VPS4B: variants seen among roughly 807,000 people sequenced by gnomAD.
VPS4B encodes the protein vacuolar protein sorting 4 homolog B.
Under a neutral mutation model 56.1 loss-of-function variants are expected in VPS4B, and 23 were observed. The observed-to-expected ratio is 0.41, with a 90% CI of 0.30 to 0.58. VPS4B has a LOEUF of 0.58. Ranked by LOEUF, VPS4B falls within the 20% of genes least tolerant of loss-of-function variation. VPS4B has a pLI of 0.29. For synonymous variants in VPS4B, 177 were observed against 186.0 expected (o/e 0.95, Z 0.39); for missense variants, 372 against 531.9 (o/e 0.70, Z 2.96).
chr18:63,409,152 A>G (rs1915978470), intron 3 of VPS4B, among the ~76,000 whole-genome samples: 2 of 152,230 alleles, frequency 1.3e-5, no homozygotes, highest in African/African-American at 4.8e-5. Context: ...ACATGTTCTT[A>G]GGGTGTCACA....
chr18:63,397,717 T>C (rs1599356946), intron 8 of VPS4B, among the ~76,000 whole-genome samples: 1 of 152,230 alleles, frequency 6.6e-6, no homozygotes. Flanking sequence ...CAATCCTATA[T>C]TATAAAGAAT....
intron 10 of VPS4B, 131 bp from the exon 11 acceptor site, chr18:63,391,207 A>G: frequency 1.6e-6 from 1 of 627,098 alleles, no homozygotes; most frequent in Non-Finnish European, 2.8e-6. Context: ...CTGCCATAAG[A>G]TACTAACGAT....
rs1916329516 is a variant in VPS4B, at chr18:63,422,393, C to T, written c.-134G>A. The T allele has an allele frequency of 1.3e-6, 1 of 768,672 alleles. No individual in the cohort carries two copies. Among genetic ancestry groups the T allele is most frequent in the Non-Finnish European group, 1.9e-6 (1 of 529,628 alleles). 47.6% of individuals were successfully genotyped at this position (768,672 alleles called of 1,614,324 possible). A position where few individuals can be genotyped will look rare whatever the true frequency, so the allele number is the denominator to read the frequency against. ...TTCTCGGACCGCGAAGGGCAGCCTCCCTTCCGGAACTTGTTTTAGACAACA... is the reference window on the plus strand; with the variant it reads ...TTCTCGGACCGCGAAGGGCAGCCTCTCTTCCGGAACTTGTTTTAGACAACA... On this transcript the variant is annotated 5_prime_UTR_variant, in exon 1 of 11. Coordinates refer to ENST00000238497, the MANE Select transcript of VPS4B (RefSeq NM_004869.4).
At chr18:63,392,096 AC>A (rs1460640950) in intron 10 of VPS4B, among the ~76,000 whole-genome samples, 1 of 152,178 alleles carries the variant, frequency 6.6e-6, no homozygotes, top group Non-Finnish European at 1.5e-5. Flanking sequence ...GGGTGTATAC[AC>A]ATTTACATGT....
intron 1 of VPS4B, among the ~76,000 whole-genome samples, chr18:63,414,217 A>G (rs964402505): frequency 6.6e-6 from 1 of 151,858 alleles, no homozygotes; most frequent in Non-Finnish European, 1.5e-5. Context: ...CCCCATCTCT[A>G]AAAATACAAA....
At chr18:63,404,138 T>C (rs116851852) in intron 4 of VPS4B, among the ~76,000 whole-genome samples, 2 of 152,244 alleles carry the variant, frequency 1.3e-5, no homozygotes, top group Non-Finnish European at 2.9e-5. Flanking sequence ...TCAAATGACA[T>C]AATGAATATT....
chr18:63,404,558 A>T (rs1353849773), intron 4 of VPS4B: 1 of 152,240 alleles, frequency 6.6e-6, no homozygotes, highest in African/African-American at 2.4e-5. Flanking sequence ...CAAAGCAATT[A>T]TTGCAGTAAG....
intron 1 of VPS4B, among the ~76,000 whole-genome samples, chr18:63,412,791 TAGC>T (rs1192812193): frequency 1.3e-5 from 2 of 152,056 alleles, no homozygotes; most frequent in African/African-American, 4.8e-5. Context: ...CCTCCCCAAA[TAGC>T]AGGATCACAA....
intron 1 of VPS4B, 55 bp from the exon 2 acceptor site, chr18:63,411,633 G>T: frequency 7.6e-7 from 1 of 1,316,472 alleles, no homozygotes; most frequent in East Asian, 2.6e-5. Flanking sequence ...ACATAAATTT[G>T]AAGTAAATAA....
chr18:63,400,059 A>G lies in VPS4B; in HGVS notation c.779T>C (p.Val260Ala), dbSNP rs1915776576. 6.2e-7 allele frequency: 1 copy of G among 1,604,608 alleles called. No homozygotes were observed. ...ATTAGTAACACTACCTTGCATTTGC[A>G]CTAGGAACTCCGTCTTAATTCTACG... ...AARRIKTEFL[V>A]QMQGVGVDND... Residue 260 changes from valine to alanine, a missense_variant, in exon 7 of 11, where the codon GTG (valine) becomes GCG (alanine). Val to Ala is a moderately conservative substitution (Grantham distance 64). Coordinates refer to ENST00000238497, the MANE Select transcript of VPS4B (RefSeq NM_004869.4).
At chr18:63,394,611 C>T (rs1432109197) in intron 9 of VPS4B, among the ~76,000 whole-genome samples, 5 of 152,016 alleles carry the variant, frequency 3.3e-5, no homozygotes, top group African/African-American at 9.7e-5. Flanking sequence ...GGATTATAGG[C>T]GCCCGCCCTG....
In VPS4B at chr18:63,403,775, A is replaced by G; in HGVS notation, c.416T>C (p.Leu139Pro). ...PNVKWSDVAG[L>P]EGAKEALKEA... ...TTTCAGTGCTTCTTTGGCTCCTTCA[A>G]GTCCAGCAACGTCACTCCATTTCAC... The change falls in exon 5 of 11, where the codon CTT becomes CCT. Residue 139 changes from leucine to proline, a missense_variant. By Grantham distance (98) the Leu-to-Pro change is moderately conservative (BLOSUM62 -3). Around this residue, in one of 3 missense-constraint regions of VPS4B, gnomAD observed 153 missense variants for 190.3 expected, o/e 0.80. Transcript: ENST00000238497. 2.5e-6 allele frequency: 4 copies of G among 1,613,604 alleles called. No homozygotes were observed. The highest frequency in any genetic ancestry group is 1.3e-5 in the African/African-American group (1 of 75,046).
intron 1 of VPS4B, among the ~76,000 whole-genome samples, chr18:63,413,147 T>C (rs949689630): frequency 6.6e-6 from 1 of 152,004 alleles, no homozygotes; most frequent in Non-Finnish European, 1.5e-5. Flanking sequence ...CAAGTAAAAC[T>C]GGGAAAATAT....
chr18:63,418,592 G>T (rs1016818065), intron 1 of VPS4B, among the ~76,000 whole-genome samples: 2 of 152,000 alleles, frequency 1.3e-5, no homozygotes, highest in African/African-American at 4.8e-5. Context: ...GTAGAGAGGG[G>T]TTTTCACCAT....
chr18:63,411,872 C>T (rs1396630909), intron 1 of VPS4B, among the ~76,000 whole-genome samples: 3 of 152,048 alleles, frequency 2.0e-5, no homozygotes, highest in African/African-American at 7.2e-5. Flanking sequence ...GTAATTTTCA[C>T]TTAGCTAAAG....
chr18:63,392,479 C>T (rs1915571219), intron 10 of VPS4B, among the ~76,000 whole-genome samples: 1 of 152,154 alleles, frequency 6.6e-6, no homozygotes, highest in African/African-American at 2.4e-5. Context: ...GACAGAGTCT[C>T]GCTCTGTTGC....
rs988764639 is a variant in VPS4B at position 63,390,051 on chromosome 18, T to C, written c.*924A>G. Reference sequence around the variant, plus strand: ...AAATATAAAAGCTTACCGTTTTTGTTTTTTTTTGAGACAGAGTTTTATTCA... The same window carrying C: ...AAATATAAAAGCTTACCGTTTTTGTCTTTTTTTGAGACAGAGTTTTATTCA... On this transcript the variant is annotated 3_prime_UTR_variant, in exon 11 of 11. Transcript: ENST00000238497. The C allele has an allele frequency of 6.6e-6, 1 of 152,550 alleles. No homozygotes were observed. Among genetic ancestry groups the C allele is most frequent in the African/African-American group, 2.4e-5 (1 of 41,442 alleles). 9.4% of individuals were successfully genotyped at this position (152,550 alleles called of 1,614,324 possible).
At chr18:63,394,895 T>C (rs1915635660) in intron 9 of VPS4B, among the ~76,000 whole-genome samples, 1 of 152,240 alleles carries the variant, frequency 6.6e-6, no homozygotes, top group Non-Finnish European at 1.5e-5. Context: ...TCACTAATAT[T>C]TTAGCTGCAT....
intron 5 of VPS4B, 106 bp downstream of exon 5, chr18:63,403,601 A>G: frequency 8.1e-7 from 1 of 1,231,220 alleles, no homozygotes; most frequent in Non-Finnish European, 1.1e-6. Context: ...AACAGTCACA[A>G]TTTATTTAAG....
Sources: gnomAD v4.1 joint callset for allele counts (sites outside exome capture counted in the v4.1 genomes callset) on GRCh38, gnomAD v4.1.1 for gene constraint, gnomAD v4.1.1 regional missense constraint, MANE v1.5 for transcripts, NCBI Gene and HGNC (gene_info 2026-07-23, HGNC 2026-07-21) for gene names.